The following CHST11 variants were observed in gnomAD, a reference collection of about 807,000 sequenced individuals.
CHST11 encodes carbohydrate sulfotransferase 11.
CHST11 carries 9 observed loss-of-function variants against 30.4 expected under a neutral mutation model. The ratio of observed to expected loss-of-function variants is 0.30; its 90% confidence interval spans 0.18 to 0.52. The LOEUF is 0.52. CHST11 is among the 20% of genes least tolerant of loss of function. The probability of loss-of-function intolerance (pLI) is 0.97; values close to 1 mark genes in which losing one functional copy is unlikely to be tolerated. For missense variants in CHST11, 348 were observed against 460.6 expected (o/e 0.76, Z 2.24); for synonymous variants, 152 against 187.8 (o/e 0.81, Z 1.56).
intron 1 of CHST11, among the ~76,000 whole-genome samples, chr12:104,508,447 T>C (rs1439204970): frequency 6.6e-6 from 1 of 152,240 alleles, no homozygotes. Context: ...AAGGAAATGC[T>C]CAATAGATGT....
chr12:104,476,561 A>T (rs1373315699), intron 1 of CHST11, among the ~76,000 whole-genome samples: 1 of 151,680 alleles, frequency 6.6e-6, no homozygotes, highest in Non-Finnish European at 1.5e-5. Flanking sequence ...TTCCCTTTTA[A>T]AAAAATGCCG....
intron 2 of CHST11, among the ~76,000 whole-genome samples, chr12:104,748,594 C>CGACTT (rs2040406560): frequency 6.6e-6 from 1 of 150,884 alleles, no homozygotes; most frequent in East Asian, 2.0e-4. Flanking sequence ...GGAGTGGAGT[C>CGACTT]GGGGGAGAGA....
At chr12:104,617,888 A>G (rs77597959) in intron 2 of CHST11, among the ~76,000 whole-genome samples, 28,188 of 151,866 alleles carry the variant, frequency 0.19, 2,955 homozygotes, top group Admixed American at 0.25. Context: ...AGTCAAATAC[A>G]TATTTTTTTC....
At chr12:104,617,050 G>A (rs1274250757) in intron 2 of CHST11, among the ~76,000 whole-genome samples, 1 of 152,164 alleles carries the variant, frequency 6.6e-6, no homozygotes, top group Admixed American at 6.5e-5. Context: ...CCCAAGGTGG[G>A]CCAGATGGAT....
intron 2 of CHST11, among the ~76,000 whole-genome samples, chr12:104,638,550 G>A (rs937130301): frequency 1.1e-4 from 16 of 152,188 alleles, no homozygotes; most frequent in African/African-American, 2.9e-4. Context: ...AAGGGTGTAC[G>A]TGGGGGTGAT....
intron 2 of CHST11, among the ~76,000 whole-genome samples, chr12:104,615,095 T>A (rs2039097332): frequency 6.6e-6 from 1 of 152,156 alleles, no homozygotes. Flanking sequence ...CCGCAGGCCA[T>A]AGCAGACATT....
At chr12:104,486,396 C>T (rs2037679576) in intron 1 of CHST11, among the ~76,000 whole-genome samples, 1 of 151,614 alleles carries the variant, frequency 6.6e-6, no homozygotes, top group African/African-American at 2.4e-5. Flanking sequence ...GGGAATGCAG[C>T]GGGGTGCTCC....
chr12:104,691,338 G>A (rs1261653547), intron 2 of CHST11, among the ~76,000 whole-genome samples: 1 of 152,026 alleles, frequency 6.6e-6, no homozygotes, highest in Non-Finnish European at 1.5e-5. Context: ...TAAAGTGAGA[G>A]TTAGACTTCC....
chr12:104,667,796 G>T (rs2039654987), intron 2 of CHST11, among the ~76,000 whole-genome samples: 1 of 152,190 alleles, frequency 6.6e-6, no homozygotes, highest in African/African-American at 2.4e-5. Flanking sequence ...AAGGTCTCTG[G>T]TGATGCTGGT....
chr12:104,629,050 A>G (rs1470284745), intron 2 of CHST11, among the ~76,000 whole-genome samples: 1 of 152,196 alleles, frequency 6.6e-6, no homozygotes, highest in Non-Finnish European at 1.5e-5. Context: ...TCTTCTGGCT[A>G]GTCTACTCAA....
chr12:104,569,495 G>A (rs1464054938), intron 1 of CHST11, among the ~76,000 whole-genome samples: 1 of 152,212 alleles, frequency 6.6e-6, no homozygotes, highest in African/African-American at 2.4e-5. Context: ...AGAGCTCAGA[G>A]GATGTCTGAG....
At chr12:104,541,116 T>C (rs1017197095) in intron 1 of CHST11, among the ~76,000 whole-genome samples, 3 of 42,738 alleles carry the variant, frequency 7.0e-5, no homozygotes, top group African/African-American at 2.4e-4. Flanking sequence ...AATCTCTCCC[T>C]CTCTCTCTCT....
chr12:104,643,193 G>A (rs2039394327), intron 2 of CHST11, among the ~76,000 whole-genome samples: 1 of 151,828 alleles, frequency 6.6e-6, no homozygotes, highest in African/African-American at 2.4e-5. Flanking sequence ...GGGCATGACG[G>A]CACATGCCTG....
chr12:104,653,938 T>G (rs1191768410), intron 2 of CHST11, among the ~76,000 whole-genome samples: 2 of 152,158 alleles, frequency 1.3e-5, no homozygotes, highest in African/African-American at 2.4e-5. Flanking sequence ...GGGCCAAGAT[T>G]CTTTTCCCAG....
At chr12:104,697,504 C>A (rs1048520852) in intron 2 of CHST11, among the ~76,000 whole-genome samples, 1 of 152,172 alleles carries the variant, frequency 6.6e-6, no homozygotes, top group Non-Finnish European at 1.5e-5. Flanking sequence ...ATCTCACCAC[C>A]AGCTTTCCTG....
At chr12:104,744,994 C>T (rs2040379364) in intron 2 of CHST11, among the ~76,000 whole-genome samples, 1 of 152,116 alleles carries the variant, frequency 6.6e-6, no homozygotes, top group Admixed American at 6.5e-5. Context: ...CTGCCTCAGC[C>T]TCCCAAGTAG....
intron 2 of CHST11, among the ~76,000 whole-genome samples, chr12:104,720,094 T>G (rs1315293930): frequency 6.6e-6 from 1 of 152,236 alleles, no homozygotes; most frequent in Non-Finnish European, 1.5e-5. Context: ...ATAAGTGGAC[T>G]TGTCTAGTTT....
intron 2 of CHST11, among the ~76,000 whole-genome samples, chr12:104,647,181 C>T (rs2039442075): frequency 6.6e-6 from 1 of 152,224 alleles, no homozygotes; most frequent in African/African-American, 2.4e-5. Flanking sequence ...GTCCCTCTTA[C>T]CTCCACGATT....
chr12:104,707,876 G>A (rs1238463128), intron 2 of CHST11, among the ~76,000 whole-genome samples: 1 of 152,206 alleles, frequency 6.6e-6, no homozygotes, highest in Non-Finnish European at 1.5e-5. Context: ...ACACAGCAGT[G>A]CACTCACAGA....
Sources: allele counts gnomAD v4.1 joint callset (sites outside exome capture counted in the v4.1 genomes callset), GRCh38; gene constraint gnomAD v4.1.1; transcripts MANE v1.5; gene names NCBI Gene and HGNC (gene_info 2026-07-23, HGNC 2026-07-21).